ERAP1: variants seen among roughly 807,000 people sequenced by gnomAD.
ERAP1 encodes the protein adipocyte-derived leucine aminopeptidase.
A neutral mutation model predicts 103.7 loss-of-function variants in ERAP1; 86 were observed. The observed-to-expected ratio is 0.83, with a 90% confidence interval of 0.70 to 0.99. The LOEUF (loss-of-function observed/expected upper bound fraction) is 0.99. ERAP1 is among the 50% of genes least tolerant of loss of function. The probability of loss-of-function intolerance (pLI) is 0.00; values close to 1 mark genes in which losing one functional copy is unlikely to be tolerated. For synonymous variants in ERAP1, 398 were observed against 402.4 expected (o/e 0.99, Z 0.13); for missense variants, 1,009 against 1,128.4 (o/e 0.89, Z 1.52).
chr5:96,896,329 G>A, the ERAP1 span: 1 of 1,497,960 alleles, frequency 6.7e-7, no homozygotes, highest in Non-Finnish European at 9.2e-7. Flanking sequence ...TGCTTTTACA[G>A]TGTCAAATAG....
At position 96,792,181 on chromosome 5, in the gene ERAP1, GAAATAATCTCCCTA is replaced by G; in HGVS notation, c.1189-3_1199del. ...CCATTGCGTCAAAACATTTGCCAAA[GAAATAATCTCCCTA>G]TTGAGATAGAAAAAAGAAAACATCA... On this transcript the variant is annotated splice_acceptor_variant and splice_polypyrimidine_tract_variant and coding_sequence_variant and intron_variant, in exon 8 of 19. Transcript: ENST00000443439. LOFTEE classifies it high-confidence loss of function. 1 of 1,613,474 alleles carries G rather than the reference GAAATAATCTCCCTA, an allele frequency of 6.2e-7. No individual in the cohort carries two copies. The highest frequency in any genetic ancestry group is 8.5e-7 in the Non-Finnish European group (1 of 1,179,396).
chr5:96,817,922 G>A, the ERAP1 span, among the ~76,000 whole-genome samples: 1 of 152,172 alleles, frequency 6.6e-6, no homozygotes, highest in African/African-American at 2.4e-5. Context: ...TTGCTTTCCC[G>A]ACTCTGCAGT....
chr5:96,912,366 A>G, the ERAP1 span, among the ~76,000 whole-genome samples: 1 of 151,992 alleles, frequency 6.6e-6, no homozygotes, highest in African/African-American at 2.4e-5. Flanking sequence ...TGTTGATTAC[A>G]TCAACTTTCT....
At chr5:96,877,418 G>T in the ERAP1 span, among the ~76,000 whole-genome samples, 11 of 108,688 alleles carry the variant, frequency 1.0e-4, no homozygotes, top group Non-Finnish European at 1.5e-4. Context: ...TGCTACAAGT[G>T]GGGGCGAGCT....
At chr5:96,934,666 A>C in the ERAP1 span, 1 of 152,242 alleles carries the variant, frequency 6.6e-6, no homozygotes, top group Non-Finnish European at 1.5e-5. Context: ...ACTTCTTCGA[A>C]ACCTAGTTTC....
At chr5:96,860,165 T>A in the ERAP1 span, among the ~76,000 whole-genome samples, 2 of 152,186 alleles carry the variant, frequency 1.3e-5, no homozygotes, top group Admixed American at 6.5e-5. Flanking sequence ...GCAATTCTTC[T>A]GCCTCAGCCT....
chr5:96,802,021 G>A (rs1448139108), intron 2 of ERAP1, among the ~76,000 whole-genome samples: 2 of 152,038 alleles, frequency 1.3e-5, no homozygotes, highest in African/African-American at 4.8e-5. Flanking sequence ...ATTAAAAAGA[G>A]ATCATTTATT....
intron 1 of ERAP1, chr5:96,805,762 C>G (rs1431259828): frequency 6.6e-6 from 1 of 152,218 alleles, no homozygotes; most frequent in African/African-American, 2.4e-5. Context: ...CTGGCAGCAA[C>G]AGCTTAATGA....
exon 20 of ERAP1, chr5:96,762,834 T>C: frequency 3.1e-6 from 1 of 321,656 alleles, no homozygotes; most frequent in Non-Finnish European, 5.8e-6. Flanking sequence ...TGGAATAGCA[T>C]TGTTTTCTTC....
chr5:96,925,674 T>C, the ERAP1 span, among the ~76,000 whole-genome samples: 1 of 152,188 alleles, frequency 6.6e-6, no homozygotes. Context: ...GTCACCACAG[T>C]TTGGACTTCC....
chr5:96,856,318 C>CAAAAAA, the ERAP1 span, among the ~76,000 whole-genome samples: 2 of 12,168 alleles, frequency 1.6e-4, no homozygotes, highest in Non-Finnish European at 3.3e-4. Flanking sequence ...GACTCCGTCT[C>CAAAAAA]AAAAAAAAAA....
the ERAP1 span, among the ~76,000 whole-genome samples, chr5:96,894,625 A>C: frequency 6.6e-6 from 1 of 152,200 alleles, no homozygotes; most frequent in Non-Finnish European, 1.5e-5. Context: ...TATGTCAATT[A>C]TATTTATGCA....
chr5:96,774,976 G>C lies in ERAP1; in HGVS notation c.*1420C>G. 4 of 985,522 alleles carry C rather than the reference G, an allele frequency of 4.1e-6. No homozygotes were observed. Among genetic ancestry groups the C allele is most frequent in the Non-Finnish European group, 3.6e-6 (3 of 829,920 alleles). 61.0% of individuals were successfully genotyped at this position (985,522 alleles called of 1,614,324 possible). A position where few individuals can be genotyped will look rare whatever the true frequency, so the allele number is the denominator to read the frequency against. On this transcript the variant is annotated 3_prime_UTR_variant, in exon 19 of 19. Coordinates refer to ENST00000443439, the MANE Select transcript of ERAP1 (RefSeq NM_001040458.3). ...TTTTGCCTTATATTCAAAAAGTTCA[G>C]TTTGAATTCTCCTTTGCCAGGTGTG... is the stretch of plus-strand genomic sequence containing the variant.
the ERAP1 span, among the ~76,000 whole-genome samples, chr5:96,839,793 T>C: frequency 6.6e-6 from 1 of 152,280 alleles, no homozygotes; most frequent in Non-Finnish European, 1.5e-5. Flanking sequence ...CCTGAAACAA[T>C]CTCTACCCTC....
intron 19 of ERAP1, chr5:96,767,348 A>G: frequency 9.8e-7 from 1 of 1,020,636 alleles, no homozygotes; most frequent in African/African-American, 1.6e-5. Context: ...ATCCAAGTCA[A>G]GTCATGGGAC....
At chr5:96,886,898 C>A in the ERAP1 span, 1 of 1,061,084 alleles carries the variant, frequency 9.4e-7, no homozygotes, top group Non-Finnish European at 1.2e-6. Flanking sequence ...GTTTATATTA[C>A]AAGAAGAGAT....
Position 96,790,307 on chromosome 5 carries a change from A to G in ERAP1, c.1513T>C (p.Ser505Pro). The G allele has an allele frequency of 6.2e-7, 1 of 1,614,086 alleles. No homozygotes were observed. Among genetic ancestry groups the G allele is most frequent in the Non-Finnish European group, 8.5e-7 (1 of 1,179,958 alleles). The part of the protein sequence containing the change: ...DGFCSRSQHS[S>P]SSSHWHQEGV... The stretch of plus-strand genomic sequence containing the variant: ...ATATAGAAACTTACTGAGGATGAAG[A>G]TGAATGTTGACTTCTAGAGCAAAAG... Residue 505 changes from serine (S) to proline (P), a missense_variant, in exon 10 of 19, where the codon TCT becomes CCT. Around this residue, in one of 3 missense-constraint regions of ERAP1, gnomAD observed 611 missense variants for 651.7 expected, o/e 0.94. Transcript: ENST00000443439.
At chr5:96,909,137 A>T in the ERAP1 span, 6 of 1,610,704 alleles carry the variant, frequency 3.7e-6, no homozygotes, top group Non-Finnish European at 4.2e-6. Flanking sequence ...GCTTTTAGAA[A>T]ATGTATTAAG....
chr5:96,930,858 T>C, the ERAP1 span, among the ~76,000 whole-genome samples: 1 of 152,116 alleles, frequency 6.6e-6, no homozygotes, highest in Non-Finnish European at 1.5e-5. Context: ...AGCTTATGCT[T>C]GGACATAAGG....
Sources: gnomAD v4.1 joint callset for allele counts (sites outside exome capture counted in the v4.1 genomes callset) on GRCh38, gnomAD v4.1.1 for gene constraint, gnomAD v4.1.1 regional missense constraint, MANE v1.5 for transcripts, NCBI Gene and HGNC (gene_info 2026-07-23, HGNC 2026-07-21) for gene names.